FOXN3: variants seen among roughly 807,000 people sequenced by gnomAD.
The protein encoded by FOXN3 is forkhead box protein N3.
A neutral mutation model predicts 38.4 loss-of-function variants in FOXN3; 7 were observed. The ratio of observed to expected loss-of-function variants is 0.18; its 90% confidence interval spans 0.10 to 0.34. The LOEUF (loss-of-function observed/expected upper bound fraction) is 0.34, where lower values mean the gene tolerates loss of function less well. Ranked by LOEUF, FOXN3 falls within the 10% of genes least tolerant of loss-of-function variation. The probability of loss-of-function intolerance (pLI) is 1.00; values close to 1 mark genes in which losing one functional copy is unlikely to be tolerated. For missense variants in FOXN3, 456 were observed against 613.4 expected, an observed-to-expected ratio of 0.74 and a Z score of 2.71; for synonymous variants, 230 against 242.2, an observed-to-expected ratio of 0.95 and a Z score of 0.47.
chr14:89,476,473 G>C (rs545482800), intron 1 of FOXN3, among the ~76,000 whole-genome samples: 1 of 152,304 alleles, frequency 6.6e-6, no homozygotes, highest in East Asian at 1.9e-4. Flanking sequence ...CACCACTGAG[G>C]GAGCTATGAG....
At chr14:89,463,241 T>G (rs1786625509) in intron 1 of FOXN3, among the ~76,000 whole-genome samples, 1 of 150,424 alleles carries the variant, frequency 6.6e-6, no homozygotes, top group East Asian at 2.0e-4. Flanking sequence ...GTGAGCGGAC[T>G]CCAGCCTGGG....
chr14:89,325,305 C>CAACACCACCACCACG (rs777238399), intron 3 of FOXN3, among the ~76,000 whole-genome samples: 2 of 135,692 alleles, frequency 1.5e-5, no homozygotes, highest in Non-Finnish European at 3.2e-5. Context: ...ACACCAACAC[C>CAACACCACCACCACG]ACCACCACGA....
At chr14:89,351,571 A>G (rs1174132223) in intron 2 of FOXN3, among the ~76,000 whole-genome samples, 1 of 152,214 alleles carries the variant, frequency 6.6e-6, no homozygotes, top group East Asian at 1.9e-4. Context: ...CGTTTGGTCT[A>G]TGGACAGCCT....
Position 89,162,441 on chromosome 14 carries a change from T to C in FOXN3, c.1380A>G (p.Lys460=). 1.3e-6 allele frequency: 2 copies of C among 1,577,980 alleles called. No homozygotes were observed. Among genetic ancestry groups the C allele is most frequent in the South Asian group, 1.2e-5 (1 of 86,624 alleles). Residue 460 remains lysine, a synonymous_variant, in exon 6 of 6, where the codon AAA becomes AAG. Coordinates refer to ENST00000557258, the MANE Select transcript of FOXN3 (RefSeq NM_005197.4). The surrounding 1 kb of genome is among the most constrained non-coding windows in gnomAD (Gnocchi z 7.2). ...NITNRTAKGQ[K]EQKETTKN ...AATTTTTTGTGGTTTCCTTTTGCTC[T>C]TTCTGCCCCTTTGCCGTCCGATTGG... is the stretch of plus-strand genomic sequence containing the variant.
intron 1 of FOXN3, among the ~76,000 whole-genome samples, chr14:89,471,589 A>G (rs1893096316): frequency 6.6e-6 from 1 of 152,166 alleles, no homozygotes; most frequent in Non-Finnish European, 1.5e-5. Flanking sequence ...GTCTCAAAAA[A>G]AAGACTTTAA....
chr14:89,587,867 G>GAAAAA (rs11366681), intron 1 of FOXN3, among the ~76,000 whole-genome samples: 10 of 64,622 alleles, frequency 1.5e-4, no homozygotes, highest in Non-Finnish European at 1.8e-4. Flanking sequence ...CTCTGTCTCA[G>GAAAAA]AAAAAAAAAA....
intron 2 of FOXN3, among the ~76,000 whole-genome samples, chr14:89,404,631 T>C (rs1891341651): frequency 6.6e-6 from 1 of 152,046 alleles, no homozygotes; most frequent in South Asian, 2.1e-4. Flanking sequence ...TATTTTTATT[T>C]CTGGCCCCTC....
chr14:89,508,794 C>A (rs1894000240), intron 1 of FOXN3, among the ~76,000 whole-genome samples: 1 of 152,166 alleles, frequency 6.6e-6, no homozygotes, highest in Non-Finnish European at 1.5e-5. Context: ...GCATTTTTAA[C>A]AAGCACTCAG....
intron 3 of FOXN3, among the ~76,000 whole-genome samples, chr14:89,287,749 TA>T (rs58930677): frequency 0.012 from 1,554 of 129,618 alleles, 27 homozygotes; most frequent in African/African-American, 0.043. Flanking sequence ...TAAAGAATGC[TA>T]AAAAAAAAAA....
chr14:89,460,181 G>A (rs1023058606), intron 1 of FOXN3, among the ~76,000 whole-genome samples: 4 of 152,056 alleles, frequency 2.6e-5, no homozygotes, highest in East Asian at 1.9e-4. Context: ...ATTTTTTCCT[G>A]AGCGTTCCGG....
At chr14:89,249,019 C>T (rs1230275471) in intron 4 of FOXN3, among the ~76,000 whole-genome samples, 1 of 152,218 alleles carries the variant, frequency 6.6e-6, no homozygotes, top group Non-Finnish European at 1.5e-5. Context: ...CTGCACAAAC[C>T]AGGCTACTTG....
At chr14:89,351,731 A>G (rs1244970528) in intron 2 of FOXN3, among the ~76,000 whole-genome samples, 1 of 152,212 alleles carries the variant, frequency 6.6e-6, no homozygotes, top group East Asian at 1.9e-4. Flanking sequence ...TGATTTGCAG[A>G]GAAAAGAAGT....
rs1887180931 is a variant in FOXN3, at chr14:89,164,222, G to C, written c.852-1253C>G. Among the ~76,000 whole-genome samples the C allele has an allele frequency of 6.6e-6, 1 of 152,196 alleles. No homozygotes were observed. Among genetic ancestry groups the C allele is most frequent in the Non-Finnish European group, 1.5e-5 (1 of 68,046 alleles). ...CCTGGCGCCCAGCCTTCAGAAGGAT[G>C]AATACTTGCAGGAGAGGAGGGTCAC... On this transcript the variant is annotated intron_variant, in intron 5 of 5. Coordinates refer to ENST00000557258, the MANE Select transcript of FOXN3 (RefSeq NM_005197.4). The surrounding 1 kb of genome is among the most constrained non-coding windows in gnomAD (Gnocchi z 4.3).
intron 1 of FOXN3, among the ~76,000 whole-genome samples, chr14:89,528,463 C>T (rs929219011): frequency 1.6e-5 from 2 of 127,764 alleles, no homozygotes; most frequent in African/African-American, 5.8e-5. Context: ...ATGGCACGAT[C>T]TTGGCTCACC....
chr14:89,552,925 G>C (rs1242078632), intron 1 of FOXN3, among the ~76,000 whole-genome samples: 2 of 152,068 alleles, frequency 1.3e-5, no homozygotes, highest in Non-Finnish European at 2.9e-5. Flanking sequence ...TCAACATGAA[G>C]GGACTCTTTC....
intron 4 of FOXN3, among the ~76,000 whole-genome samples, chr14:89,256,802 T>C (rs980287143): frequency 1.3e-5 from 2 of 152,244 alleles, no homozygotes; most frequent in African/African-American, 2.4e-5. Context: ...TGATTTCTAT[T>C]TCTGACTTTC....
chr14:89,523,576 T>C (rs1894365305), intron 1 of FOXN3, among the ~76,000 whole-genome samples: 1 of 152,082 alleles, frequency 6.6e-6, no homozygotes, highest in Admixed American at 6.5e-5. Flanking sequence ...GAAAACTAAA[T>C]AACACATCTC....
intron 1 of FOXN3, among the ~76,000 whole-genome samples, chr14:89,617,648 T>A (rs1233525921): frequency 6.6e-6 from 1 of 152,348 alleles, no homozygotes; most frequent in East Asian, 1.9e-4. Flanking sequence ...TCATTGAGAA[T>A]GTATTGTAAA....
At chr14:89,178,486 G>C (rs1887583816) in intron 5 of FOXN3, among the ~76,000 whole-genome samples, 1 of 152,120 alleles carries the variant, frequency 6.6e-6, no homozygotes, top group Admixed American at 6.5e-5. Context: ...CAATTACTTG[G>C]TGTGGTTTCT....
Sources: gnomAD v4.1 joint callset for allele counts (sites outside exome capture counted in the v4.1 genomes callset) on GRCh38, gnomAD v4.1.1 for gene constraint, Gnocchi (gnomAD v3.1) non-coding constraint, MANE v1.5 for transcripts, NCBI Gene and HGNC (gene_info 2026-07-23, HGNC 2026-07-21) for gene names.